Variants in RYR3 observed in about 807,000 individuals in gnomAD.
RYR3 encodes the protein ryanodine receptor 3, also known as brain ryanodine receptor-calcium release channel.
RYR3 carries 207 observed loss-of-function variants against 584.3 expected under a neutral mutation model. The observed-to-expected ratio is 0.35, with a 90% CI of 0.32 to 0.40. The LOEUF is 0.40. RYR3 is among the 10% of genes least tolerant of loss of function. The probability of loss-of-function intolerance (pLI) is 1.00; values close to 1 mark genes in which losing one functional copy is unlikely to be tolerated. For synonymous variants in RYR3, 2,416 were observed against 2,248.5 expected, an observed-to-expected ratio of 1.07 and a Z score of -2.11; for missense variants, 5,616 against 6,089.2, an observed-to-expected ratio of 0.92 and a Z score of 2.59.
At position 33,724,133 on chromosome 15, in the gene RYR3, C is replaced by T. The variant is rs1346595867; in HGVS notation, c.6869C>T (p.Ser2290Leu). The stretch of plus-strand genomic sequence containing the variant: ...GGCAATGCAATTATGTCATTTTATT[C>T]GGCCCTTATAGATCTACTGGGCCGC... Reference protein sequence around the residue: ...HMGNAIMSFYSALIDLLGRCA... With the variant: ...HMGNAIMSFYLALIDLLGRCA... Residue 2290 changes from serine to leucine, a missense_variant, in exon 45 of 104, where the codon TCG becomes TTG. This residue lies in a region of RYR3 where 1,280 missense variants were observed against 1,426.2 expected (regional missense o/e 0.90). Transcript: ENST00000634891. 2.5e-6 allele frequency: 4 copies of T among 1,612,470 alleles called. No homozygotes were observed. The highest frequency in any genetic ancestry group is 2.5e-6 in the Non-Finnish European group (3 of 1,178,768).
chr15:33,361,358 A>T (rs2141009877), intron 1 of RYR3, among the ~76,000 whole-genome samples: 1 of 152,328 alleles, frequency 6.6e-6, no homozygotes, highest in Non-Finnish European at 1.5e-5. Context: ...ATACATGAAT[A>T]CAGTTTTTAT....
At chr15:33,396,986 T>C (rs777534928) in intron 1 of RYR3, among the ~76,000 whole-genome samples, 1 of 152,208 alleles carries the variant, frequency 6.6e-6, no homozygotes, top group Non-Finnish European at 1.5e-5. Context: ...TTAATACTTC[T>C]GTAATAAAGG....
rs941914300 is a variant in RYR3, at chr15:33,311,841, C to T, written c.51+745C>T. Among the ~76,000 whole-genome samples the T allele has an allele frequency of 6.6e-6, 1 of 152,212 alleles. No individual in the cohort carries two copies. Among genetic ancestry groups the T allele is most frequent in the African/African-American group, 2.4e-5 (1 of 41,456 alleles). On this transcript the variant is annotated intron_variant, in intron 1 of 103. Transcript: ENST00000634891. The surrounding 1 kb of genome is among the most constrained non-coding windows in gnomAD (Gnocchi z 4.4). ...CTCCTTGACACCTGAGGGCGCTGCT[C>T]CGTCCCAGATTTGGGGGTGAGGGGG...
At chr15:33,846,414 A>G (rs764076778) in intron 93 of RYR3, among the ~76,000 whole-genome samples, 8 of 152,148 alleles carry the variant, frequency 5.3e-5, no homozygotes, top group Admixed American at 1.3e-4. Flanking sequence ...AGTTATGTCA[A>G]TCTTCTGTCA....
At chr15:33,791,694 A>G (rs2075168395) in intron 67 of RYR3, among the ~76,000 whole-genome samples, 1 of 152,210 alleles carries the variant, frequency 6.6e-6, no homozygotes, top group African/African-American at 2.4e-5. Flanking sequence ...GATATCAACC[A>G]AGAATAGGAA....
Position 33,347,596 on chromosome 15 carries a change from G to A in RYR3, c.51+36500G>A, listed in dbSNP as rs148769722. Among the ~76,000 whole-genome samples the A allele has an allele frequency of 2.9e-3, 437 of 151,928 alleles. 6 individuals are homozygous for A. The highest frequency in any genetic ancestry group is 0.01 in the African/African-American group (418 of 41,436). ...TGAGTAGCTGGGACTACAGGCACCCGCCACCATGCCTGGCTAATTTTTTGT... is the reference window on the plus strand; with the variant it reads ...TGAGTAGCTGGGACTACAGGCACCCACCACCATGCCTGGCTAATTTTTTGT... On this transcript the variant is annotated intron_variant, in intron 1 of 103. Transcript: ENST00000634891.
rs1401156228 is a variant in RYR3 at position 33,548,217 on chromosome 15, C to T, written c.815+13C>T. On this transcript the variant is annotated intron_variant, in intron 9 of 103. Transcript: ENST00000634891. ...CCCTTCGGATAAGGTAATGGAAGGCCTGGGAATGCCCTTTTCAAGATTACT... is the reference window on the plus strand; with the variant it reads ...CCCTTCGGATAAGGTAATGGAAGGCTTGGGAATGCCCTTTTCAAGATTACT... 5 of 1,531,692 alleles carry T rather than the reference C, an allele frequency of 3.3e-6. No individual in the cohort carries two copies. The highest frequency in any genetic ancestry group is 1.1e-5 in the South Asian group (1 of 87,084). 94.9% of individuals were successfully genotyped at this position (1,531,692 alleles called of 1,614,324 possible). A position where few individuals can be genotyped will look rare whatever the true frequency, so the allele number is the denominator to read the frequency against.
At chr15:33,345,123 A>T (rs1283656418) in intron 1 of RYR3, among the ~76,000 whole-genome samples, 1 of 151,962 alleles carries the variant, frequency 6.6e-6, no homozygotes, top group African/African-American at 2.4e-5. Context: ...CAAGTTCAGT[A>T]TGAAGTAACT....
At chr15:33,721,638 G>A (rs933039333) in intron 43 of RYR3, among the ~76,000 whole-genome samples, 9 of 152,040 alleles carry the variant, frequency 5.9e-5, no homozygotes, top group African/African-American at 2.2e-4. Flanking sequence ...CACAAATGAG[G>A]TACCTCTTAT....
intron 92 of RYR3, among the ~76,000 whole-genome samples, chr15:33,843,804 C>T (rs79660707): frequency 3.5e-4 from 54 of 152,266 alleles, no homozygotes; most frequent in Middle Eastern, 3.4e-3. Flanking sequence ...TTATTTTAGT[C>T]GTTGCTTAGT....
chr15:33,422,725 G>A (rs1317419232), intron 1 of RYR3, among the ~76,000 whole-genome samples: 1 of 152,164 alleles, frequency 6.6e-6, no homozygotes, highest in Non-Finnish European at 1.5e-5. Flanking sequence ...AGCAGAGGTA[G>A]TATGAGAGAT....
rs1393872775 is a variant in RYR3, at chr15:33,862,606, A to AAAAC, written c.14465+1430_14465+1433dup. Among the ~76,000 whole-genome samples, 9 of 152,280 alleles carry AAAAC rather than the reference A, an allele frequency of 5.9e-5. No homozygotes were observed. In the East Asian group the frequency reaches 1.7e-3, roughly 29 times the overall value. On this transcript the variant is annotated intron_variant, in intron 102 of 103. Coordinates refer to ENST00000634891, the MANE Select transcript of RYR3 (RefSeq NM_001036.6). ...TTTGCTGGGGGATGAGTTTAAGTCA[A>AAAAC]AAACATGAGTTTTGTTTTTTTATTT...
At chr15:33,609,587 A>G (rs2060069412) in intron 18 of RYR3, among the ~76,000 whole-genome samples, 1 of 152,202 alleles carries the variant, frequency 6.6e-6, no homozygotes, top group African/African-American at 2.4e-5. Context: ...CAGGAGGCAG[A>G]GGTTGCAGTG....
chr15:33,346,746 C>T (rs964070533), intron 1 of RYR3, among the ~76,000 whole-genome samples: 1 of 152,126 alleles, frequency 6.6e-6, no homozygotes, highest in Non-Finnish European at 1.5e-5. Context: ...AAAAGGGGGC[C>T]TCCAGCATAA....
intron 57 of RYR3, among the ~76,000 whole-genome samples, chr15:33,751,492 T>G (rs2071301865): frequency 6.6e-6 from 1 of 152,252 alleles, no homozygotes; most frequent in Non-Finnish European, 1.5e-5. Context: ...CCAGTGATGA[T>G]GAGCTTTTTT....
intron 1 of RYR3, among the ~76,000 whole-genome samples, chr15:33,435,297 A>C (rs903634027): frequency 5.9e-5 from 9 of 151,922 alleles, no homozygotes; most frequent in African/African-American, 1.7e-4. Context: ...TAGATGTGTC[A>C]TACTCTCTGT....
intron 57 of RYR3, among the ~76,000 whole-genome samples, chr15:33,753,070 AG>A (rs1242820156): frequency 3.9e-5 from 6 of 152,236 alleles, no homozygotes; most frequent in African/African-American, 1.4e-4. Context: ...TGGATTATGT[AG>A]TACCCTAGAT....
intron 51 of RYR3, among the ~76,000 whole-genome samples, chr15:33,741,272 C>T (rs924120337): frequency 6.6e-6 from 1 of 152,162 alleles, no homozygotes; most frequent in Non-Finnish European, 1.5e-5. Flanking sequence ...GAAAGGCCAA[C>T]CTGGCCTTAG....
In RYR3 at chr15:33,377,165, T is replaced by A. The variant is rs563989669; in HGVS notation, c.51+66069T>A. Among the ~76,000 whole-genome samples the A allele has an allele frequency of 3.9e-5, 6 of 152,348 alleles. No individual in the cohort carries two copies. The South Asian group carries it at 1.2e-3, about 32-fold the overall frequency. Reference sequence around the variant, plus strand: ...CTGAAGTAAATTGGGTATTATAGGCTCTGAATTGGCTAGGCTATGCCATGG... The same window carrying A: ...CTGAAGTAAATTGGGTATTATAGGCACTGAATTGGCTAGGCTATGCCATGG... On this transcript the variant is annotated intron_variant, in intron 1 of 103. Transcript: ENST00000634891.
Sources: gnomAD v4.1 joint callset for allele counts (sites outside exome capture counted in the v4.1 genomes callset) on GRCh38, gnomAD v4.1.1 for gene constraint, gnomAD v4.1.1 regional missense constraint, Gnocchi (gnomAD v3.1) non-coding constraint, MANE v1.5 for transcripts, NCBI Gene and HGNC (gene_info 2026-07-23, HGNC 2026-07-21) for gene names.